The following PTPN3 variants were observed in gnomAD, a reference collection of about 807,000 sequenced individuals.
PTPN3 encodes the protein protein tyrosine phosphatase non-receptor type 3.
In PTPN3, 96 loss-of-function variants were observed where a neutral mutation model predicts 132.7. The ratio of observed to expected loss-of-function variants is 0.72; its 90% confidence interval spans 0.61 to 0.86. The LOEUF (loss-of-function observed/expected upper bound fraction) is 0.86. Ranked by LOEUF, PTPN3 falls within the 40% of genes least tolerant of loss-of-function variation. The probability of loss-of-function intolerance (pLI) is 0.00; values close to 1 mark genes in which losing one functional copy is unlikely to be tolerated. For missense variants in PTPN3, 1,125 were observed against 1,159.6 expected, an observed-to-expected ratio of 0.97 and a Z score of 0.43; for synonymous variants, 398 against 429.0, an observed-to-expected ratio of 0.93 and a Z score of 0.89.
chr9:109,390,135 T>G (rs1350793796), intron 21 of PTPN3, among the ~76,000 whole-genome samples: 1 of 152,220 alleles, frequency 6.6e-6, no homozygotes, highest in Non-Finnish European at 1.5e-5. Context: ...TTTATGGTAT[T>G]GCTGCCCCTA....
At chr9:109,475,220 A>G (rs1245760250) in intron 1 of PTPN3, among the ~76,000 whole-genome samples, 2 of 152,220 alleles carry the variant, frequency 1.3e-5, no homozygotes, top group African/African-American at 4.8e-5. Flanking sequence ...AGAGTGGGAT[A>G]GATGAACTCT....
intron 1 of PTPN3, among the ~76,000 whole-genome samples, chr9:109,492,035 T>C (rs1847485226): frequency 6.6e-6 from 1 of 152,136 alleles, no homozygotes; most frequent in South Asian, 2.1e-4. Context: ...TCATGCATAA[T>C]TTTTCTTGTG....
intron 5 of PTPN3, among the ~76,000 whole-genome samples, chr9:109,452,313 C>T (rs373582819): frequency 4.7e-5 from 7 of 148,956 alleles, no homozygotes; most frequent in South Asian, 2.1e-4. Flanking sequence ...TAGAAAACTT[C>T]AGAGTACCTG....
intron 1 of PTPN3, among the ~76,000 whole-genome samples, chr9:109,485,174 A>G (rs959461294): frequency 6.6e-6 from 1 of 151,880 alleles, no homozygotes; most frequent in Non-Finnish European, 1.5e-5. Context: ...GGTTGCAGTG[A>G]GCTAGCTTGG....
intron 16 of PTPN3, 104 bp from the exon 17 acceptor site, chr9:109,408,481 A>G: frequency 2.6e-6 from 2 of 775,284 alleles, no homozygotes; most frequent in South Asian, 1.9e-5. Flanking sequence ...GGAGGTACCA[A>G]TAAATGTGAG....
chr9:109,452,266 CAAAAAAAAAAA>C (rs1158259516), intron 5 of PTPN3, among the ~76,000 whole-genome samples: 1 of 71,658 alleles, frequency 1.4e-5, no homozygotes, highest in South Asian at 5.1e-4. Context: ...AGCTCCGTCT[CAAAAAAAAAAA>C]AAAAAAAAAA....
At chr9:109,439,673 C>A (rs2131945342) in intron 7 of PTPN3, among the ~76,000 whole-genome samples, 1 of 152,320 alleles carries the variant, frequency 6.6e-6, no homozygotes, top group Non-Finnish European at 1.5e-5. Flanking sequence ...CTTTGGGAGG[C>A]CAAGGCGGGT....
intron 19 of PTPN3, among the ~76,000 whole-genome samples, chr9:109,394,763 T>C (rs919912218): frequency 6.6e-6 from 1 of 152,228 alleles, no homozygotes; most frequent in African/African-American, 2.4e-5. Context: ...TGTGTATACA[T>C]GTGTATATGA....
chr9:109,432,998 G>T, intron 10 of PTPN3, 75 bp downstream of exon 10: 1 of 1,567,774 alleles, frequency 6.4e-7, no homozygotes, highest in East Asian at 2.3e-5. Context: ...CATTTAGAAT[G>T]GGAGGTAACA....
Position 109,463,427 on chromosome 9 carries a change from G to A in PTPN3, c.8C>T (p.Ser3Phe). 2 of 1,608,238 alleles carry A rather than the reference G, an allele frequency of 1.2e-6. No homozygotes were observed. Among genetic ancestry groups the A allele is most frequent in the Non-Finnish European group, 1.7e-6 (2 of 1,178,646 alleles). ...TCTTCCACCCAACGCACGTAACCGG[G>A]AGGTCATAACTATCGCTGAATAACC... MT[S>F]RLRALGGRIN... The change falls in exon 2 of 26, where the codon TCC becomes TTC. Residue 3 changes from serine to phenylalanine, a missense_variant. Ser to Phe is a radical substitution (Grantham distance 155). Transcript: ENST00000374541.
intron 6 of PTPN3, among the ~76,000 whole-genome samples, chr9:109,446,249 C>T (rs1009949491): frequency 6.6e-6 from 1 of 152,156 alleles, no homozygotes; most frequent in Non-Finnish European, 1.5e-5. Flanking sequence ...TTCCCAGCAC[C>T]CCAGTGGGAA....
At position 109,382,377 on chromosome 9, in the gene PTPN3, G is replaced by T; in HGVS notation, c.2453C>A (p.Ser818Tyr). ...GTTTACAAATTCCAGAAAGTCGGAG[G>T]AGTCATCGGGCACACCGTGGTCAGG... ...AWPDHGVPDD[S>Y]SDFLEFVNYV... Residue 818 changes from serine to tyrosine, a missense_variant, in exon 24 of 26, where the codon TCC (serine) becomes TAC (tyrosine). Coordinates refer to ENST00000374541, the MANE Select transcript of PTPN3 (RefSeq NM_002829.4). The T allele has an allele frequency of 6.2e-7, 1 of 1,614,154 alleles. No homozygotes were observed. The highest frequency in any genetic ancestry group is 8.5e-7 in the Non-Finnish European group (1 of 1,179,974).
chr9:109,381,370 C>T (rs890109745), intron 25 of PTPN3, among the ~76,000 whole-genome samples: 1 of 152,124 alleles, frequency 6.6e-6, no homozygotes, highest in South Asian at 2.1e-4. Context: ...CTAGGTGGGT[C>T]GGTGCGGGGG....
intron 9 of PTPN3, among the ~76,000 whole-genome samples, chr9:109,435,549 C>T (rs1421279845): frequency 6.6e-6 from 1 of 152,176 alleles, no homozygotes; most frequent in African/African-American, 2.4e-5. Flanking sequence ...GAAAGATAAA[C>T]CTTATGATAT....
chr9:109,524,675 C>G, the PTPN3 span, among the ~76,000 whole-genome samples: 1 of 152,180 alleles, frequency 6.6e-6, no homozygotes, highest in South Asian at 2.1e-4. Flanking sequence ...CTGATAGGAT[C>G]GTTATGGATT....
intron 1 of PTPN3, among the ~76,000 whole-genome samples, chr9:109,484,975 A>G (rs1341277271): frequency 6.6e-6 from 1 of 152,134 alleles, no homozygotes; most frequent in African/African-American, 2.4e-5. Flanking sequence ...CACACCTGTA[A>G]TCCCAGCACC....
Position 109,486,107 on chromosome 9 carries a change from A to C in PTPN3, c.-18+12112T>G, listed in dbSNP as rs75016516. On this transcript the variant is annotated intron_variant, in intron 1 of 25. Transcript: ENST00000374541. ...GATCTCCCCTAGAGTCCAGCCACTCAACATGTGGTGGCTTACGGACCCCAT... is the reference window on the plus strand; with the variant it reads ...GATCTCCCCTAGAGTCCAGCCACTCCACATGTGGTGGCTTACGGACCCCAT... Among the ~76,000 whole-genome samples, 908 of 152,326 alleles carry C rather than the reference A, an allele frequency of 6.0e-3. 13 individuals are homozygous for C. The highest frequency in any genetic ancestry group is 0.021 in the African/African-American group (859 of 41,578).
chr9:109,446,406 C>T (rs1467379936), intron 6 of PTPN3, among the ~76,000 whole-genome samples: 1 of 152,142 alleles, frequency 6.6e-6, no homozygotes, highest in Admixed American at 6.5e-5. Flanking sequence ...GTCGACTTTC[C>T]CTATCTGAGG....
rs1334172082 is a variant in PTPN3 at position 109,376,016 on chromosome 9, C to T, written c.*3540G>A. On this transcript the variant is annotated 3_prime_UTR_variant, in exon 26 of 26. Transcript: ENST00000374541. ...AGAACCAGAAGGTGGCCATCCTTGT[C>T]TTTGCATTCAACAGCGCCAAAGTCT... 1 of 152,212 alleles carries T rather than the reference C, an allele frequency of 6.6e-6. No homozygotes were observed. The highest frequency in any genetic ancestry group is 2.4e-5 in the African/African-American group (1 of 41,442). The allele number at this position is 152,212 out of a possible 1,614,324, so 9.4% of individuals were successfully genotyped here. A position where few individuals can be genotyped will look rare whatever the true frequency, so the allele number is the denominator to read the frequency against.
Sources: allele counts gnomAD v4.1 joint callset (sites outside exome capture counted in the v4.1 genomes callset), GRCh38; gene constraint gnomAD v4.1.1; transcripts MANE v1.5; gene names NCBI Gene and HGNC (gene_info 2026-07-23, HGNC 2026-07-21).